Variants in LRBA observed in about 807,000 individuals in gnomAD.
The protein encoded by LRBA is LPS responsive beige-like anchor protein, also known as lipopolysaccharide-responsive and beige-like anchor protein.
Under a neutral mutation model 330.0 loss-of-function variants are expected in LRBA, and 176 were observed. The ratio of observed to expected loss-of-function variants is 0.53; its 90% CI spans 0.47 to 0.60. LRBA has a LOEUF of 0.60. LRBA is among the 20% of genes least tolerant of loss of function. The probability of loss-of-function intolerance (pLI) is 0.00; values close to 1 mark genes in which losing one functional copy is unlikely to be tolerated. For missense variants in LRBA, 3,259 were observed against 3,444.8 expected (o/e 0.95, Z 1.35); for synonymous variants, 1,230 against 1,193.0 (o/e 1.03, Z -0.64).
Position 150,870,819 on chromosome 4 carries a change from C to G in LRBA, c.2368-213G>C, listed in dbSNP as rs527500013. Among the ~76,000 whole-genome samples, 8 of 152,210 alleles carry G rather than the reference C, an allele frequency of 5.3e-5. No individual in the cohort carries two copies. The South Asian group carries it at 1.7e-3, about 32-fold the overall frequency. Reference sequence around the variant, plus strand: ...TTTTCTTAATTATAAAATGAGACATCAAATAGTTAATAAAATGGAGGGAAC... The same window carrying G: ...TTTTCTTAATTATAAAATGAGACATGAAATAGTTAATAAAATGGAGGGAAC... On this transcript the variant is annotated intron_variant, in intron 19 of 56. Transcript: ENST00000651943.
At chr4:150,578,330 C>T (rs1284284905) in intron 40 of LRBA, among the ~76,000 whole-genome samples, 2 of 152,168 alleles carry the variant, frequency 1.3e-5, no homozygotes, top group African/African-American at 4.8e-5. Flanking sequence ...GTCAACTCAT[C>T]ACCTTATTTT....
chr4:150,455,605 A>G lies in LRBA; in HGVS notation c.6780+12068T>C, dbSNP rs537545951. ...ATGTTTTGATACAGGCAAGCAATGC[A>G]TAATAATACCATGTAAAATCAAGTG... On this transcript the variant is annotated intron_variant, in intron 44 of 56. Coordinates refer to ENST00000651943, the MANE Select transcript of LRBA (RefSeq NM_001364905.1). Among the ~76,000 whole-genome samples the G allele has an allele frequency of 1.9e-4, 29 of 152,302 alleles. No homozygotes were observed. In the South Asian group the frequency reaches 6.0e-3, roughly 32 times the overall value.
intron 36 of LRBA, among the ~76,000 whole-genome samples, chr4:150,723,959 G>A (rs1729308605): frequency 6.6e-6 from 1 of 152,194 alleles, no homozygotes; most frequent in African/African-American, 2.4e-5. Context: ...GGTGGCCACA[G>A]GGAAAGGCAG....
intron 2 of LRBA, among the ~76,000 whole-genome samples, chr4:151,006,134 G>A (rs1744048356): frequency 1.3e-5 from 2 of 152,170 alleles, no homozygotes; most frequent in Non-Finnish European, 2.9e-5. Context: ...CTAAGGTCAG[G>A]AGTTCGGGAC....
intron 37 of LRBA, among the ~76,000 whole-genome samples, chr4:150,630,731 T>G (rs1209133049): frequency 2.6e-5 from 4 of 152,138 alleles, no homozygotes; most frequent in African/African-American, 9.7e-5. Context: ...TCTGTGGCAG[T>G]GCACTGCAAC....
At chr4:150,612,894 A>C (rs1301126984) in intron 37 of LRBA, among the ~76,000 whole-genome samples, 1 of 152,208 alleles carries the variant, frequency 6.6e-6, no homozygotes, top group Non-Finnish European at 1.5e-5. Flanking sequence ...AAAGGGACCA[A>C]GAAGCTTTAA....
intron 44 of LRBA, among the ~76,000 whole-genome samples, chr4:150,448,823 G>A (rs202020909): frequency 0.14 from 3,343 of 24,376 alleles, 19 homozygotes; most frequent in Middle Eastern, 0.19. Flanking sequence ...AAAAAAAAAA[G>A]GGGGGGGGGG....
At position 150,599,129 on chromosome 4, in the gene LRBA, C is replaced by T. The variant is rs749149796; in HGVS notation, c.5924G>A (p.Arg1975His). The T allele has an allele frequency of 1.5e-5, 25 of 1,613,760 alleles. No individual in the cohort carries two copies. The highest frequency in any genetic ancestry group is 1.1e-4 in the South Asian group (10 of 91,068). The change falls in exon 38 of 57, where the codon CGT becomes CAT. Residue 1975 changes from arginine (R) to histidine (H), a missense_variant and splice_region_variant. By Grantham distance (29) the Arg-to-His change is conservative (BLOSUM62 0). Transcript: ENST00000651943. ...GTCAAGGCGCCAGAACTCAAGAGGA[C>T]GACTACAATGAAACAGAGAAGCCAC... The part of the protein sequence containing the change: ...HGAWGNSAVS[R>H]PLEFWRLDYW...
intron 28 of LRBA, among the ~76,000 whole-genome samples, chr4:150,840,082 C>T (rs987392083): frequency 1.3e-5 from 2 of 152,190 alleles, no homozygotes; most frequent in Admixed American, 1.3e-4. Context: ...TCACTTCTCT[C>T]GGCCTTTACA....
At chr4:150,423,570 T>C in intron 46 of LRBA, 1 of 369,084 alleles carries the variant, frequency 2.7e-6, no homozygotes. Flanking sequence ...TTGCTCCCTG[T>C]CTTTACCACC....
chr4:150,455,246 T>A (rs1371663134), intron 44 of LRBA, among the ~76,000 whole-genome samples: 1 of 151,968 alleles, frequency 6.6e-6, no homozygotes, highest in East Asian at 1.9e-4. Flanking sequence ...GTTCTTGCGA[T>A]AGAAATACCA....
chr4:150,796,158 C>G (rs1031426369), intron 34 of LRBA, among the ~76,000 whole-genome samples: 6 of 151,996 alleles, frequency 3.9e-5, no homozygotes, highest in Admixed American at 6.5e-5. Context: ...AATTATCAAT[C>G]AAACTCAAGC....
chr4:150,961,809 C>T (rs1738181410), intron 2 of LRBA, among the ~76,000 whole-genome samples: 1 of 149,444 alleles, frequency 6.7e-6, no homozygotes, highest in Non-Finnish European at 1.5e-5. Flanking sequence ...ACACATAGTG[C>T]CAAAGACAAC....
intron 50 of LRBA, among the ~76,000 whole-genome samples, chr4:150,315,980 T>C (rs1731672375): frequency 6.6e-6 from 1 of 152,174 alleles, no homozygotes; most frequent in African/African-American, 2.4e-5. Context: ...TACTATTTTT[T>C]TGTTACTTCT....
Position 150,443,847 on chromosome 4 carries a change from T to TAAAAAAAAAAAAAA in LRBA, c.6781-6984_6781-6983insTTTTTTTTTTTTTT, listed in dbSNP as rs376721928. Among the ~76,000 whole-genome samples the TAAAAAAAAAAAAAA allele has an allele frequency of 6.1e-4, 33 of 53,706 alleles. No homozygotes were observed. In the East Asian group the frequency reaches 8.9e-3, roughly 15 times the overall value. 35.2% of individuals were successfully genotyped at this position (53,706 alleles called of 152,430 possible). A position where few individuals can be genotyped will look rare whatever the true frequency, so the allele number is the denominator to read the frequency against. Reference sequence around the variant, plus strand: ...TGTATCCTAGAACTTAAAGTATAATTAAAAAAATATATATATATATATATA... The same window carrying TAAAAAAAAAAAAAA: ...TGTATCCTAGAACTTAAAGTATAATTAAAAAAAAAAAAAAAAAAAAATATATATATATATATATA... On this transcript the variant is annotated intron_variant, in intron 44 of 56. Transcript: ENST00000651943.
At chr4:150,889,314 CTG>C (rs1729240869) in intron 17 of LRBA, among the ~76,000 whole-genome samples, 1 of 151,612 alleles carries the variant, frequency 6.6e-6, no homozygotes, top group Admixed American at 6.6e-5. Context: ...ATTGCAACCT[CTG>C]GCATAAATGG....
chr4:150,890,122 A>C (rs1729318515), intron 17 of LRBA, among the ~76,000 whole-genome samples: 1 of 152,234 alleles, frequency 6.6e-6, no homozygotes, highest in African/African-American at 2.4e-5. Flanking sequence ...AAAAGATGGA[A>C]GTTGAAATAA....
At chr4:150,690,673 A>C (rs1246311351) in intron 36 of LRBA, among the ~76,000 whole-genome samples, 2 of 30,366 alleles carry the variant, frequency 6.6e-5, no homozygotes, top group East Asian at 1.6e-3. Context: ...CTGGCTATCC[A>C]CATGAGAAAA....
At chr4:150,674,731 C>T (rs952525633) in intron 37 of LRBA, among the ~76,000 whole-genome samples, 9 of 151,002 alleles carry the variant, frequency 6.0e-5, no homozygotes, top group Non-Finnish European at 8.9e-5. Flanking sequence ...CTTAATTAGT[C>T]GGGCATGGTG....
Sources: gnomAD v4.1 joint callset for allele counts (sites outside exome capture counted in the v4.1 genomes callset) on GRCh38, gnomAD v4.1.1 for gene constraint, MANE v1.5 for transcripts, NCBI Gene and HGNC (gene_info 2026-07-23, HGNC 2026-07-21) for gene names.